H6PD: variants seen among roughly 807,000 people sequenced by gnomAD.
H6PD encodes GDH/6PGL endoplasmic bifunctional protein.
Under a neutral mutation model 61.2 loss-of-function variants are expected in H6PD, and 48 were observed. The observed-to-expected ratio is 0.78, with a 90% CI of 0.62 to 1.00. The LOEUF (loss-of-function observed/expected upper bound fraction) is 1.00, where lower values mean the gene tolerates loss of function less well. Among genes scored for constraint, H6PD ranks in the 50% least tolerant of loss-of-function variants. The pLI is 0.00. For missense variants in H6PD, 1,093 were observed against 1,065.0 expected (o/e 1.03, Z -0.37); for synonymous variants, 480 against 457.9 (o/e 1.05, Z -0.62).
rs765468600 is a variant in H6PD, at chr1:9,264,708, G to A, written c.2215G>A (p.Ala739Thr). The change falls in exon 5 of 5, where the codon GCC becomes ACC. Residue 739 changes from alanine (A) to threonine (T), a missense_variant. By Grantham distance (58) the Ala-to-Thr change is moderately conservative (BLOSUM62 0). Transcript: ENST00000377403. ...MSLSLPLINRAKKVAVLVMGR... is the reference protein window; with the variant it reads ...MSLSLPLINRTKKVAVLVMGR... ...CCTTAGCCTGCCTCTCATCAACCGC[G>A]CCAAGAAGGTGGCAGTCCTGGTCAT... 25 of 1,613,236 alleles carry A rather than the reference G, an allele frequency of 1.5e-5. No homozygotes were observed. Among genetic ancestry groups the A allele is most frequent in the East Asian group, 8.9e-5 (4 of 44,892 alleles).
intron 3 of H6PD, among the ~76,000 whole-genome samples, chr1:9,247,575 G>A (rs1026327866): frequency 6.6e-6 from 1 of 151,850 alleles, no homozygotes; most frequent in African/African-American, 2.4e-5. Context: ...CCCTCACGGC[G>A]CCACACACCT....
chr1:9,254,172 T>C lies in H6PD; in HGVS notation c.745+7089T>C, dbSNP rs1471945145. Among the ~76,000 whole-genome samples the C allele has an allele frequency of 1.3e-5, 2 of 152,098 alleles. No homozygotes were observed. The highest frequency in any genetic ancestry group is 6.6e-5 in the Admixed American group (1 of 15,260). ...GGCGTTCAAGACCAGCCTGGTCAAA[T>C]GGTGAAACCCCATCTCCACTAAAAA... On this transcript the variant is annotated intron_variant, in intron 3 of 4. Transcript: ENST00000377403. The surrounding 1 kb of genome is among the most constrained non-coding windows in gnomAD (Gnocchi z 4.6).
intron 1 of H6PD, among the ~76,000 whole-genome samples, chr1:9,236,241 C>T (rs141228175): frequency 1.3e-3 from 201 of 152,276 alleles, no homozygotes; most frequent in Non-Finnish European, 2.3e-3. Context: ...TCCACCACCT[C>T]GGCCTCCCAA....
chr1:9,242,856 C>T, intron 1 of H6PD: 1 of 985,440 alleles, frequency 1.0e-6, no homozygotes, highest in Non-Finnish European at 1.2e-6. Context: ...CCTGCACTGA[C>T]CTTGCAGCTT....
At chr1:9,241,807 C>G (rs1311823452) in intron 1 of H6PD, among the ~76,000 whole-genome samples, 1 of 152,158 alleles carries the variant, frequency 6.6e-6, no homozygotes, top group Non-Finnish European at 1.5e-5. Context: ...TGTTTAGCAT[C>G]GTGACTGAGG....
chr1:9,262,821 C>T (rs145090664), intron 4 of H6PD, among the ~76,000 whole-genome samples: 19 of 152,312 alleles, frequency 1.2e-4, no homozygotes, highest in Non-Finnish European at 2.2e-4. Flanking sequence ...GTTGAGCACG[C>T]GCCGTATGCC....
chr1:9,242,201 T>A (rs1220178961), intron 1 of H6PD, among the ~76,000 whole-genome samples: 5 of 152,086 alleles, frequency 3.3e-5, no homozygotes, highest in African/African-American at 1.2e-4. Context: ...TATTCCGGAG[T>A]CTCACTACTC....
intron 3 of H6PD, among the ~76,000 whole-genome samples, chr1:9,261,215 C>A (rs1475007278): frequency 6.6e-6 from 1 of 152,176 alleles, no homozygotes; most frequent in East Asian, 1.9e-4. Context: ...CAGTGTCCCC[C>A]CTACAACTGA....
intron 1 of H6PD, among the ~76,000 whole-genome samples, chr1:9,243,867 C>CATG (rs142106336): frequency 4.6e-5 from 5 of 109,784 alleles, no homozygotes; most frequent in Admixed American, 3.5e-4. Context: ...GAGGAAGAGG[C>CATG]GGGGGCGGTG....
At position 9,264,910 on chromosome 1, in the gene H6PD, C is replaced by T. The variant is rs1476253911; in HGVS notation, c.*41C>T. On this transcript the variant is annotated 3_prime_UTR_variant, in exon 5 of 5. Coordinates refer to ENST00000377403, the MANE Select transcript of H6PD (RefSeq NM_004285.4). ...TTGCCCGCTTCGCTCCTGTGCTTTC[C>T]TTCGCCCGTGTCTTCCCTCCCTTCT... is the stretch of plus-strand genomic sequence containing the variant. 3.1e-6 allele frequency: 5 copies of T among 1,604,340 alleles called. No individual in the cohort carries two copies. The highest frequency in any genetic ancestry group is 4.2e-6 in the Non-Finnish European group (5 of 1,178,296).
At chr1:9,239,652 T>C (rs1158633362) in intron 1 of H6PD, among the ~76,000 whole-genome samples, 1 of 152,206 alleles carries the variant, frequency 6.6e-6, no homozygotes, top group African/African-American at 2.4e-5. Context: ...ATGTTCTTTT[T>C]AAAAAATTCC....
chr1:9,245,504 C>T lies in H6PD; in HGVS notation c.570C>T (p.Leu190=), dbSNP rs149366674. Reference sequence around the variant, plus strand: ...CAGCCCAGCAGCTGGCCACAGAACTCGGGACCTTTTTCCAGGAGGAGGAGA... The same window carrying T: ...CAGCCCAGCAGCTGGCCACAGAACTTGGGACCTTTTTCCAGGAGGAGGAGA... The part of the protein sequence containing the change: ...HFSAQQLATE[L]GTFFQEEEMY... The change falls in exon 2 of 5, where the codon CTC becomes CTT. Residue 190 remains leucine, a synonymous_variant. Coordinates refer to ENST00000377403, the MANE Select transcript of H6PD (RefSeq NM_004285.4). The surrounding 1 kb of genome is among the most constrained non-coding windows in gnomAD (Gnocchi z 4.8). 2.8e-5 allele frequency: 45 copies of T among 1,614,160 alleles called. No homozygotes were observed. The African/African-American group carries it at 4.1e-4, about 15-fold the overall frequency.
At chr1:9,261,272 G>A (rs1638279897) in intron 3 of H6PD, among the ~76,000 whole-genome samples, 1 of 152,092 alleles carries the variant, frequency 6.6e-6, no homozygotes, top group Non-Finnish European at 1.5e-5. Flanking sequence ...CAAGACCCCT[G>A]ATCTCCTCTC....
chr1:9,265,050 G>A lies in H6PD; in HGVS notation c.*181G>A. The A allele has an allele frequency of 1.5e-6, 1 of 679,928 alleles. No homozygotes were observed. Among genetic ancestry groups the A allele is most frequent in the East Asian group, 2.7e-5 (1 of 36,756 alleles). 42.1% of individuals were successfully genotyped at this position (679,928 alleles called of 1,614,324 possible). ...CGATGCCTTTGACCGGCAGCTCTGT[G>A]TATTGGTGGATAGATGCAGAAACAA... On this transcript the variant is annotated 3_prime_UTR_variant, in exon 5 of 5. Transcript: ENST00000377403.
At chr1:9,257,919 C>G (rs956415357) in intron 3 of H6PD, among the ~76,000 whole-genome samples, 6 of 152,274 alleles carry the variant, frequency 3.9e-5, no homozygotes, top group Non-Finnish European at 7.3e-5. Flanking sequence ...GAACCCTGAT[C>G]TCTGGGACTG....
At chr1:9,255,076 T>A (rs115815457) in intron 3 of H6PD, among the ~76,000 whole-genome samples, 1,861 of 152,318 alleles carry the variant, frequency 0.012, 39 homozygotes, top group African/African-American at 0.043. Context: ...TATACCATAA[T>A]TTATCCAGTC....
Position 9,245,524 on chromosome 1 carries a change from A to T in H6PD, c.590A>T (p.Glu197Val). Reference protein sequence around the residue: ...ATELGTFFQEEEMYRVDHYLG... With the variant: ...ATELGTFFQEVEMYRVDHYLG... ...GAACTCGGGACCTTTTTCCAGGAGG[A>T]GGAGATGTACCGGGTGGACCATTAC... is the stretch of plus-strand genomic sequence containing the variant. Residue 197 changes from glutamate to valine, a missense_variant, in exon 2 of 5, where the codon GAG (glutamate) becomes GTG (valine). Physicochemically the swap from Glu to Val is moderately radical, Grantham distance 121. Coordinates refer to ENST00000377403, the MANE Select transcript of H6PD (RefSeq NM_004285.4). The surrounding 1 kb of genome is among the most constrained non-coding windows in gnomAD (Gnocchi z 4.8). 6.2e-7 allele frequency: 1 copy of T among 1,614,024 alleles called. No homozygotes were observed. The highest frequency in any genetic ancestry group is 8.5e-7 in the Non-Finnish European group (1 of 1,179,954).
intron 1 of H6PD, among the ~76,000 whole-genome samples, chr1:9,237,161 C>T (rs1640870453): frequency 6.6e-6 from 1 of 151,214 alleles, no homozygotes; most frequent in African/African-American, 2.4e-5. Flanking sequence ...GGAAGGTTAG[C>T]TCTGGGACCA....
chr1:9,254,563 C>T lies in H6PD; in HGVS notation c.745+7480C>T, dbSNP rs1641459570. Among the ~76,000 whole-genome samples the T allele has an allele frequency of 6.6e-6, 1 of 152,132 alleles. No homozygotes were observed. Among genetic ancestry groups the T allele is most frequent in the Non-Finnish European group, 1.5e-5 (1 of 68,018 alleles). On this transcript the variant is annotated intron_variant, in intron 3 of 4. Coordinates refer to ENST00000377403, the MANE Select transcript of H6PD (RefSeq NM_004285.4). This position sits in a 1 kb window ranked among gnomAD's most constrained non-coding sequence, Gnocchi z 4.6. ...CTACCTTTGTTACTTCCTTTGATGGCAGCAAAGGCTGCCTCACTGATTTCA... is the reference window on the plus strand; with the variant it reads ...CTACCTTTGTTACTTCCTTTGATGGTAGCAAAGGCTGCCTCACTGATTTCA...
Sources: gnomAD v4.1 joint callset for allele counts (sites outside exome capture counted in the v4.1 genomes callset) on GRCh38, gnomAD v4.1.1 for gene constraint, Gnocchi (gnomAD v3.1) non-coding constraint, MANE v1.5 for transcripts, NCBI Gene and HGNC (gene_info 2026-07-23, HGNC 2026-07-21) for gene names.